Variants in RNF130 observed in about 807,000 individuals in gnomAD.
RNF130 encodes E3 ubiquitin-protein ligase RNF130.
Under a neutral mutation model 44.6 loss-of-function variants are expected in RNF130, and 21 were observed. That is an observed-to-expected ratio of 0.47 (90% CI 0.33 to 0.68). RNF130 has a LOEUF of 0.68. RNF130 is among the 30% of genes least tolerant of loss of function. The probability of loss-of-function intolerance (pLI) is 0.02; values close to 1 mark genes in which losing one functional copy is unlikely to be tolerated. For missense variants in RNF130, 479 were observed against 560.6 expected (o/e 0.85, Z 1.47); for synonymous variants, 214 against 210.4 (o/e 1.02, Z -0.15).
intron 2 of RNF130, 123 bp from the exon 3 acceptor site, chr5:180,013,434 C>T: frequency 1.2e-6 from 1 of 815,762 alleles, no homozygotes; most frequent in Non-Finnish European, 1.9e-6. Flanking sequence ...ATGCAAACTC[C>T]ACTTCTCAAC....
chr5:180,053,271 T>C (rs1324930892), intron 1 of RNF130, among the ~76,000 whole-genome samples: 2 of 151,626 alleles, frequency 1.3e-5, no homozygotes, highest in African/African-American at 2.4e-5. Flanking sequence ...CACAGGACAG[T>C]GGCCAGGCAT....
At chr5:180,064,269 T>C (rs1765048484) in intron 1 of RNF130, among the ~76,000 whole-genome samples, 2 of 152,088 alleles carry the variant, frequency 1.3e-5, no homozygotes, top group South Asian at 4.1e-4. Context: ...ATAATGAGCT[T>C]CTCAAATGAG....
chr5:180,035,241 T>C (rs1407624713), intron 2 of RNF130, among the ~76,000 whole-genome samples: 1 of 152,238 alleles, frequency 6.6e-6, no homozygotes, highest in Non-Finnish European at 1.5e-5. Flanking sequence ...TTCGTTTGGT[T>C]CCAAATGTTT....
chr5:179,982,437 TCTGA>T (rs1762860021), intron 3 of RNF130, among the ~76,000 whole-genome samples: 1 of 152,110 alleles, frequency 6.6e-6, no homozygotes. Flanking sequence ...CTGATAGTTG[TCTGA>T]CTTTTATTTA....
intron 1 of RNF130, among the ~76,000 whole-genome samples, chr5:180,050,011 T>C (rs1015879086): frequency 4.6e-5 from 7 of 152,220 alleles, no homozygotes; most frequent in East Asian, 1.9e-4. Context: ...TTCCTAGGGC[T>C]GCCAGAACAA....
At chr5:179,996,590 T>C (rs1763202138) in intron 3 of RNF130, among the ~76,000 whole-genome samples, 3 of 152,258 alleles carry the variant, frequency 2.0e-5, no homozygotes, top group African/African-American at 7.2e-5. Context: ...TTGTTCTTCA[T>C]TCTGTTGATG....
At chr5:180,056,572 A>T (rs898323603) in intron 1 of RNF130, among the ~76,000 whole-genome samples, 7 of 152,210 alleles carry the variant, frequency 4.6e-5, no homozygotes, top group Non-Finnish European at 8.8e-5. Context: ...AGCAAACACT[A>T]GAGGAGGAAA....
chr5:179,991,808 A>C (rs149832126), intron 3 of RNF130, among the ~76,000 whole-genome samples: 16 of 152,308 alleles, frequency 1.1e-4, no homozygotes, highest in African/African-American at 3.4e-4. Flanking sequence ...ACCATAACGT[A>C]GAATCAGTAG....
intron 2 of RNF130, among the ~76,000 whole-genome samples, chr5:180,020,329 G>A (rs899847790): frequency 7.9e-5 from 12 of 152,168 alleles, no homozygotes; most frequent in African/African-American, 1.2e-4. Flanking sequence ...ACTACGGAGA[G>A]GAAGAACGCG....
At chr5:180,016,738 C>G (rs1763744857) in intron 2 of RNF130, among the ~76,000 whole-genome samples, 1 of 152,238 alleles carries the variant, frequency 6.6e-6, no homozygotes, top group South Asian at 2.1e-4. Flanking sequence ...AATTTTCAAA[C>G]CCATAGAGCA....
chr5:179,962,882 G>C (rs1762366503), intron 8 of RNF130, among the ~76,000 whole-genome samples: 1 of 152,124 alleles, frequency 6.6e-6, no homozygotes, highest in Admixed American at 6.5e-5. Context: ...TTACCGACGT[G>C]AAGCCTGCCG....
chr5:180,044,160 G>A (rs1764499901), intron 1 of RNF130, among the ~76,000 whole-genome samples: 1 of 152,070 alleles, frequency 6.6e-6, no homozygotes, highest in African/African-American at 2.4e-5. Flanking sequence ...TTTAAAATTT[G>A]TCAATAGCAA....
chr5:180,060,994 CG>C (rs1217060982), intron 1 of RNF130, among the ~76,000 whole-genome samples: 17 of 124,330 alleles, frequency 1.4e-4, no homozygotes, highest in African/African-American at 4.1e-4. Context: ...GCGTGAACCC[CG>C]GGGGGGCGGA....
At chr5:180,009,676 G>C (rs1215218186) in intron 3 of RNF130, among the ~76,000 whole-genome samples, 1 of 152,170 alleles carries the variant, frequency 6.6e-6, no homozygotes, top group African/African-American at 2.4e-5. Context: ...GTTTCCTACA[G>C]AACTAAATAT....
chr5:179,923,545 T>C (rs1761662877), intron 7 of RNF130, among the ~76,000 whole-genome samples: 1 of 152,214 alleles, frequency 6.6e-6, no homozygotes, highest in Non-Finnish European at 1.5e-5. Flanking sequence ...ACCAAGGAGC[T>C]GAGTCTCAGC....
intron 1 of RNF130, among the ~76,000 whole-genome samples, chr5:180,068,243 C>A (rs1397329103): frequency 6.6e-6 from 1 of 152,246 alleles, no homozygotes; most frequent in Admixed American, 6.5e-5. Context: ...TGCTCCACAG[C>A]AGACCCTAGC....
chr5:180,000,006 C>A (rs890299652), intron 3 of RNF130, among the ~76,000 whole-genome samples: 5 of 152,144 alleles, frequency 3.3e-5, no homozygotes, highest in Non-Finnish European at 5.9e-5. Context: ...TTCTCTTTCT[C>A]CTTTGTGTAT....
intron 1 of RNF130, among the ~76,000 whole-genome samples, chr5:180,049,835 C>T (rs1764649208): frequency 3.3e-5 from 5 of 152,122 alleles, no homozygotes; most frequent in Admixed American, 3.3e-4. Flanking sequence ...CTCCTTTCTG[C>T]CTCTGAATAT....
intron 7 of RNF130, among the ~76,000 whole-genome samples, chr5:179,922,036 G>A: frequency 6.6e-6 from 1 of 151,358 alleles, no homozygotes; most frequent in East Asian, 1.9e-4. Context: ...AGAAAAAAAA[G>A]GAAAAAGAAA....
Sources: allele counts gnomAD v4.1 joint callset (sites outside exome capture counted in the v4.1 genomes callset), GRCh38; gene constraint gnomAD v4.1.1; transcripts MANE v1.5; gene names NCBI Gene and HGNC (gene_info 2026-07-23, HGNC 2026-07-21).